MRPL27: variants seen among roughly 807,000 people sequenced by gnomAD.
MRPL27 encodes mitochondrial ribosomal protein L27.
MRPL27 carries 4 observed loss-of-function variants against 14.6 expected under a neutral mutation model. The ratio of observed to expected loss-of-function variants is 0.27; its 90% CI spans 0.14 to 0.63. The LOEUF is 0.63. Among genes scored for constraint, MRPL27 ranks in the 20% least tolerant of loss-of-function variants. MRPL27 has a pLI of 0.85. For synonymous variants in MRPL27, 82 were observed against 75.5 expected (o/e 1.09, Z -0.45); for missense variants, 196 against 192.8 (o/e 1.02, Z -0.10).
chr17:50,370,680 G>C (rs1913105688), intron 1 of MRPL27, 94 bp from the exon 2 acceptor site: 4 of 1,534,814 alleles, frequency 2.6e-6, no homozygotes, highest in Admixed American at 3.4e-5. Context: ...GCGGTGGGGA[G>C]ATGAGAAAGC....
chr17:50,370,120 G>T, intron 2 of MRPL27, 21 bp from the exon 3 acceptor site: 2 of 1,599,130 alleles, frequency 1.3e-6, no homozygotes, highest in South Asian at 2.2e-5. Flanking sequence ...AGTCCACAGT[G>T]ACTGGGGCAG....
At chr17:50,372,495 T>G (rs1913199640) in intron 1 of MRPL27, among the ~76,000 whole-genome samples, 1 of 152,190 alleles carries the variant, frequency 6.6e-6, no homozygotes, top group South Asian at 2.1e-4. Flanking sequence ...TCCGCCCACC[T>G]AGGCCTCCCA....
At chr17:50,369,964 C>A in intron 3 of MRPL27, 68 bp downstream of exon 3, 1 of 1,535,284 alleles carries the variant, frequency 6.5e-7, no homozygotes, top group Non-Finnish European at 9.0e-7. Context: ...ACTGTTATTA[C>A]CATGCTTAGG....
chr17:50,370,073 T>C lies in MRPL27; in HGVS notation c.199A>G (p.Ile67Val), dbSNP rs1913082977. 1 of 1,613,334 alleles carries C rather than the reference T, an allele frequency of 6.2e-7. No individual in the cohort carries two copies. The highest frequency in any genetic ancestry group is 1.3e-5 in the African/African-American group (1 of 74,838). Residue 67 changes from isoleucine to valine, a missense_variant, in exon 3 of 4, where the codon ATT (isoleucine) becomes GTT (valine). Ile to Val is a conservative substitution (Grantham distance 29, BLOSUM62 3). Coordinates refer to ENST00000225969, the MANE Select transcript of MRPL27 (RefSeq NM_016504.3). ...CAGCGGAAATGGCGCTGTGTTGCAA[T>C]GATGTTCCCAGCATGAACATAGTGA... ...EGHYVHAGNI[I>V]ATQRHFRWHP...
intron 3 of MRPL27, chr17:50,368,832 T>C (rs1476594751): frequency 1.4e-6 from 1 of 702,116 alleles, no homozygotes; most frequent in Non-Finnish European, 2.6e-6. Context: ...GTCATTTAAT[T>C]CTCACCTAGT....
chr17:50,368,231 ACCT>A lies in MRPL27; in HGVS notation c.305_307del (p.Glu102del), dbSNP rs1181319476. ...CGTGTTTCTGGGATGAGGCACGTAG[ACCT>A]CCTTAGTGTAGCGGACTATCCCCTC... is the stretch of plus-strand genomic sequence containing the variant. On this transcript the variant is annotated inframe_deletion, in exon 4 of 4. Coordinates refer to ENST00000225969, the MANE Select transcript of MRPL27 (RefSeq NM_016504.3). 6.8e-6 allele frequency: 11 copies of A among 1,614,060 alleles called. No individual in the cohort carries two copies. Among genetic ancestry groups the A allele is most frequent in the South Asian group, 1.1e-5 (1 of 91,074 alleles).
intron 2 of MRPL27, 175 bp from the exon 3 acceptor site, chr17:50,370,274 G>T: frequency 1.7e-6 from 2 of 1,160,978 alleles, no homozygotes; most frequent in Non-Finnish European, 2.5e-6. Flanking sequence ...CTAATTGCAT[G>T]GTTATGGCTC....
At chr17:50,370,779 C>CG (rs1318376272) in intron 1 of MRPL27, 193 bp from the exon 2 acceptor site, 2 of 335,474 alleles carry the variant, frequency 6.0e-6, no homozygotes, top group Admixed American at 5.6e-5. Flanking sequence ...GGGGAGGGGG[C>CG]GGGGGAGCAG....
At position 50,373,175 on chromosome 17, in the gene MRPL27, T is replaced by G. The variant is rs16948970; in HGVS notation, c.-5A>C. The G allele has an allele frequency of 0.024, 38,423 of 1,609,876 alleles. 2,316 individuals carry two copies. The highest frequency in any genetic ancestry group is 0.23 in the African/African-American group (17,170 of 74,910). ...CGCCAACACCACCGACGCCATGCTTTCGATCACTCACTTCCGGTCTCGAAA... is the reference window on the plus strand; with the variant it reads ...CGCCAACACCACCGACGCCATGCTTGCGATCACTCACTTCCGGTCTCGAAA... On this transcript the variant is annotated 5_prime_UTR_variant, in exon 1 of 4. Coordinates refer to ENST00000225969, the MANE Select transcript of MRPL27 (RefSeq NM_016504.3).
chr17:50,368,102 G>A lies in MRPL27; in HGVS notation c.437C>T (p.Ala146Val). 1.9e-6 allele frequency: 3 copies of A among 1,614,216 alleles called. No individual in the cohort carries two copies. Among genetic ancestry groups the A allele is most frequent in the Non-Finnish European group, 2.5e-6 (3 of 1,180,042 alleles). ...AKPEGTFKLV[A>V]ML ...GGCCTCAACAGGACATCAAAGCATA[G>A]CTACCAGTTTGAAGGTGCCCTCAGG... is the stretch of plus-strand genomic sequence containing the variant. The change falls in exon 4 of 4, where the codon GCT (alanine) becomes GTT (valine). Residue 146 changes from alanine (A) to valine (V), a missense_variant. Coordinates refer to ENST00000225969, the MANE Select transcript of MRPL27 (RefSeq NM_016504.3).
chr17:50,370,918 C>T (rs971697439), intron 1 of MRPL27: 1 of 271,660 alleles, frequency 3.7e-6, no homozygotes. Flanking sequence ...TCATGCACCA[C>T]GGAGGGGCCA....
At chr17:50,369,765 G>T in intron 3 of MRPL27, 1 of 518,186 alleles carries the variant, frequency 1.9e-6, no homozygotes, top group Non-Finnish European at 3.4e-6. Flanking sequence ...TGCAACACCA[G>T]GGCAAATCAT....
At chr17:50,369,841 T>C (rs753291795) in intron 3 of MRPL27, 191 bp downstream of exon 3, 79 of 710,344 alleles carry the variant, frequency 1.1e-4, no homozygotes, top group Non-Finnish European at 1.7e-4. Flanking sequence ...CCACCCCGTC[T>C]AGGTCTCTGG....
At chr17:50,371,969 C>T (rs1913166513) in intron 1 of MRPL27, among the ~76,000 whole-genome samples, 1 of 152,220 alleles carries the variant, frequency 6.6e-6, no homozygotes, top group South Asian at 2.1e-4. Flanking sequence ...CTTCTCTTTG[C>T]TGTCCTCACA....
chr17:50,371,148 A>C (rs751329054), intron 1 of MRPL27: 1 of 152,518 alleles, frequency 6.6e-6, no homozygotes, highest in Non-Finnish European at 1.5e-5. Context: ...GTACGCCACC[A>C]CGCCCAGCTA....
intron 3 of MRPL27, 150 bp downstream of exon 3, chr17:50,369,882 G>T: frequency 2.2e-6 from 2 of 900,154 alleles, no homozygotes; most frequent in Non-Finnish European, 3.5e-6. Context: ...GATGTGGTAA[G>T]GAAGAAATGA....
intron 1 of MRPL27, chr17:50,371,238 A>G (rs1176511270): frequency 1.3e-5 from 2 of 152,404 alleles, no homozygotes; most frequent in African/African-American, 2.4e-5. Flanking sequence ...AGGTGATCCC[A>G]AAGTGTTGGG....
intron 1 of MRPL27, 189 bp from the exon 2 acceptor site, chr17:50,370,775 G>A (rs556446566): frequency 4.2e-5 from 27 of 647,096 alleles, no homozygotes; most frequent in Non-Finnish European, 6.5e-5. Context: ...TTTGGGGGAG[G>A]GGGCGGGGGA....
chr17:50,370,231 A>G (rs1913090518), intron 2 of MRPL27, 132 bp from the exon 3 acceptor site: 2 of 1,156,704 alleles, frequency 1.7e-6, no homozygotes, highest in Non-Finnish European at 2.5e-6. Flanking sequence ...CAACACAAGC[A>G]GCGCAGGATC....
Sources: gnomAD v4.1 joint callset for allele counts (sites outside exome capture counted in the v4.1 genomes callset) on GRCh38, gnomAD v4.1.1 for gene constraint, MANE v1.5 for transcripts, NCBI Gene and HGNC (gene_info 2026-07-23, HGNC 2026-07-21) for gene names.